Variants in EXOC6 observed in about 807,000 individuals in gnomAD.
The protein encoded by EXOC6 is exocyst complex component 6.
A neutral mutation model predicts 112.5 loss-of-function variants in EXOC6; 60 were observed. That is an observed-to-expected ratio of 0.53 (90% CI 0.43 to 0.66). EXOC6 has a LOEUF of 0.66. Ranked by LOEUF, EXOC6 falls within the 30% of genes least tolerant of loss-of-function variation. The pLI, the probability that EXOC6 is intolerant of heterozygous loss-of-function variation, is 0.00. For synonymous variants in EXOC6, 295 were observed against 308.0 expected (o/e 0.96, Z 0.44); for missense variants, 855 against 957.1 (o/e 0.89, Z 1.41).
rs1209102236 is a variant in EXOC6, at chr10:92,887,521, T to C, written c.102-5828T>C. On this transcript the variant is annotated intron_variant, in intron 1 of 21. Coordinates refer to ENST00000260762, the MANE Select transcript of EXOC6 (RefSeq NM_019053.6). ...CAAGCAGTTCTCTCCTGCCTCAGCC[T>C]CCCAAGTAGCTGGGATTACAGGCGC... Among the ~76,000 whole-genome samples the C allele has an allele frequency of 4.7e-5, 7 of 149,130 alleles. No individual in the cohort carries two copies. In the East Asian group the frequency reaches 1.5e-3, roughly 31 times the overall value.
In EXOC6 at chr10:93,018,921, G is replaced by A. The variant is rs559808687; in HGVS notation, c.2169+4654G>A. 2.0e-4 allele frequency among the ~76,000 whole-genome samples: 31 copies of A among 151,922 alleles called. 2 individuals carry two copies. The South Asian group carries it at 6.4e-3, about 32-fold the overall frequency. On this transcript the variant is annotated intron_variant, in intron 20 of 21. Transcript: ENST00000260762. ...TACATACAGGTGTCTGGTGACTTTG[G>A]AAATCATACCACTGGACTAGGTAAA...
At chr10:92,918,554 A>G (rs993452500) in intron 7 of EXOC6, among the ~76,000 whole-genome samples, 1 of 152,088 alleles carries the variant, frequency 6.6e-6, no homozygotes, top group South Asian at 2.1e-4. Flanking sequence ...AGTTGGAACT[A>G]CAGGCACATG....
chr10:92,866,852 T>A lies in EXOC6; in HGVS notation c.101+18218T>A, dbSNP rs151138098. On this transcript the variant is annotated intron_variant, in intron 1 of 21. Coordinates refer to ENST00000260762, the MANE Select transcript of EXOC6 (RefSeq NM_019053.6). Reference sequence around the variant, plus strand: ...AGTTTCCATAAGAATTTTTCTTAAGTCTAACACATTTAACATATTAGAAGT... The same window carrying A: ...AGTTTCCATAAGAATTTTTCTTAAGACTAACACATTTAACATATTAGAAGT... 7.1e-3 allele frequency among the ~76,000 whole-genome samples: 1,081 copies of A among 152,290 alleles called. 14 individuals carry two copies. The highest frequency in any genetic ancestry group is 0.025 in the African/African-American group (1,035 of 41,572).
At chr10:92,855,193 T>C (rs1034808674) in intron 1 of EXOC6, among the ~76,000 whole-genome samples, 1 of 152,132 alleles carries the variant, frequency 6.6e-6, no homozygotes, top group African/African-American at 2.4e-5. Context: ...GCTGGAATTA[T>C]AGGCATGAGC....
intron 13 of EXOC6, among the ~76,000 whole-genome samples, chr10:92,942,321 G>C (rs1463234560): frequency 6.6e-6 from 1 of 152,178 alleles, no homozygotes; most frequent in Non-Finnish European, 1.5e-5. Flanking sequence ...CTTGAGCCCA[G>C]GTGTTTGAGG....
chr10:92,999,340 G>T, intron 19 of EXOC6: 1 of 385,320 alleles, frequency 2.6e-6, no homozygotes, highest in Admixed American at 3.8e-5. Context: ...TGGAATTAGA[G>T]GCGTGAGCTA....
intron 1 of EXOC6, among the ~76,000 whole-genome samples, chr10:92,863,348 T>G (rs1453141569): frequency 6.6e-6 from 1 of 152,260 alleles, no homozygotes; most frequent in Non-Finnish European, 1.5e-5. Context: ...ACTCTTCCCA[T>G]GCAATTTTTA....
At chr10:93,006,331 C>T (rs116636991) in intron 19 of EXOC6, among the ~76,000 whole-genome samples, 2,448 of 152,198 alleles carry the variant, frequency 0.016, 61 homozygotes, top group African/African-American at 0.055. Context: ...TATTTCAGTG[C>T]CTTTTTAAAA....
At chr10:92,837,288 C>T (rs930483125) in intron 1 of EXOC6, among the ~76,000 whole-genome samples, 3 of 152,112 alleles carry the variant, frequency 2.0e-5, no homozygotes, top group African/African-American at 7.2e-5. Flanking sequence ...GACGAAAATA[C>T]TTACCTTTCT....
At chr10:93,015,012 G>T (rs918306517) in intron 20 of EXOC6, among the ~76,000 whole-genome samples, 9 of 151,830 alleles carry the variant, frequency 5.9e-5, no homozygotes, top group Non-Finnish European at 1.3e-4. Context: ...GGGGGTCATA[G>T]TAGGAAAGGA....
At chr10:92,828,635 G>T (rs1388793291) in intron 1 of EXOC6, among the ~76,000 whole-genome samples, 1 of 127,124 alleles carries the variant, frequency 7.9e-6, no homozygotes, top group Non-Finnish European at 1.6e-5. Context: ...TGCCCCGCCA[G>T]TTTTTTTTTT....
At chr10:92,849,959 G>A (rs377355888) in intron 1 of EXOC6, among the ~76,000 whole-genome samples, 67 of 152,134 alleles carry the variant, frequency 4.4e-4, no homozygotes, top group African/African-American at 1.6e-3. Context: ...GTCACATAAG[G>A]TTTCTGCTAT....
At chr10:92,889,241 ATTGT>A (rs1849376699) in intron 1 of EXOC6, among the ~76,000 whole-genome samples, 1 of 152,160 alleles carries the variant, frequency 6.6e-6, no homozygotes, top group East Asian at 1.9e-4. Flanking sequence ...TGTGTCAGTT[ATTGT>A]TTAAGAATTT....
intron 1 of EXOC6, among the ~76,000 whole-genome samples, chr10:92,828,690 CTGTGTG>C (rs71028851): frequency 0.32 from 33,658 of 104,892 alleles, 5,439 homozygotes; most frequent in Middle Eastern, 0.43. Context: ...TTTTGTGTGT[CTGTGTG>C]TGTGTGTGTG....
In EXOC6 at chr10:93,034,101, A is replaced by G. The variant is rs748530396; in HGVS notation, c.2169+19834A>G. Reference sequence around the variant, plus strand: ...GGTTTAATGAAATCTGTGAGGGAAAATGTTGTAGAGTTTACTTCTGGGAGA... The same window carrying G: ...GGTTTAATGAAATCTGTGAGGGAAAGTGTTGTAGAGTTTACTTCTGGGAGA... On this transcript the variant is annotated intron_variant, in intron 20 of 21. Transcript: ENST00000260762. 6.4e-4 allele frequency among the ~76,000 whole-genome samples: 98 copies of G among 152,290 alleles called. No homozygotes were observed. The Middle Eastern group carries it at 0.014, about 21-fold the overall frequency.
At chr10:92,907,341 T>G (rs1850499798) in intron 5 of EXOC6, among the ~76,000 whole-genome samples, 1 of 152,178 alleles carries the variant, frequency 6.6e-6, no homozygotes, top group Non-Finnish European at 1.5e-5. Flanking sequence ...CTTGCTCTTC[T>G]TATTGGTTAA....
chr10:92,992,252 C>T (rs1843293983), intron 18 of EXOC6, among the ~76,000 whole-genome samples: 1 of 135,620 alleles, frequency 7.4e-6, no homozygotes, highest in Non-Finnish European at 1.5e-5. Flanking sequence ...CCTTCCATTG[C>T]TCTCCAGCCT....
chr10:92,999,712 T>G (rs1283182649), intron 19 of EXOC6, among the ~76,000 whole-genome samples: 3 of 151,738 alleles, frequency 2.0e-5, no homozygotes, highest in African/African-American at 7.3e-5. Context: ...GCCTAATTTT[T>G]TTTTTTTTTG....
chr10:92,972,818 G>T (rs1180232864), intron 17 of EXOC6, among the ~76,000 whole-genome samples: 1 of 152,076 alleles, frequency 6.6e-6, no homozygotes, highest in Non-Finnish European at 1.5e-5. Context: ...TTTCTGTCTT[G>T]CACAGAGCTT....
Sources: gnomAD v4.1 joint callset for allele counts (sites outside exome capture counted in the v4.1 genomes callset) on GRCh38, gnomAD v4.1.1 for gene constraint, MANE v1.5 for transcripts, NCBI Gene and HGNC (gene_info 2026-07-23, HGNC 2026-07-21) for gene names.